RGL1: variants seen among roughly 807,000 people sequenced by gnomAD.
RGL1 encodes the protein ral guanine nucleotide dissociation stimulator-like 1.
RGL1 carries 24 observed loss-of-function variants against 95.2 expected under a neutral mutation model. The ratio of observed to expected loss-of-function variants is 0.25; its 90% CI spans 0.18 to 0.35. The LOEUF (loss-of-function observed/expected upper bound fraction) is 0.35. Ranked by LOEUF, RGL1 falls within the 10% of genes least tolerant of loss-of-function variation. The pLI, the probability that RGL1 is intolerant of heterozygous loss-of-function variation, is 1.00. For missense variants in RGL1, 715 were observed against 936.3 expected, an observed-to-expected ratio of 0.76 and a Z score of 3.08; for synonymous variants, 329 against 344.9, an observed-to-expected ratio of 0.95 and a Z score of 0.51.
intron 2 of RGL1, among the ~76,000 whole-genome samples, chr1:183,747,262 A>C (rs1203088095): frequency 6.6e-6 from 1 of 152,184 alleles, no homozygotes; most frequent in Non-Finnish European, 1.5e-5. Flanking sequence ...ACTAATTTAC[A>C]CTTCCACCAA....
intron 4 of RGL1, among the ~76,000 whole-genome samples, chr1:183,877,396 T>C (rs1378889157): frequency 6.6e-6 from 1 of 152,240 alleles, no homozygotes; most frequent in Non-Finnish European, 1.5e-5. Flanking sequence ...TATTTTGCGA[T>C]GTTGCTTTCT....
intron 2 of RGL1, among the ~76,000 whole-genome samples, chr1:183,748,821 C>CT (rs1193542914): frequency 6.6e-6 from 1 of 152,140 alleles, no homozygotes; most frequent in Non-Finnish European, 1.5e-5. Flanking sequence ...TACATTGTAT[C>CT]TTTGTTCTCA....
In RGL1 at chr1:183,643,240, C is replaced by G. The variant is rs184728834; in HGVS notation, c.-33+6739C>G. ...TACTGCTATAAACATGGGTGTAGAA[C>G]TATCTCTTTGAGGTCCTGTTTTTTT... is the stretch of plus-strand genomic sequence containing the variant. On this transcript the variant is annotated intron_variant, in intron 1 of 18. Coordinates refer to the RGL1 transcript ENST00000304685. 9.9e-5 allele frequency among the ~76,000 whole-genome samples: 15 copies of G among 151,714 alleles called. No homozygotes were observed. The East Asian group carries it at 2.3e-3, about 23-fold the overall frequency.
At chr1:183,855,791 G>A (rs1460850390) in intron 3 of RGL1, among the ~76,000 whole-genome samples, 1 of 152,158 alleles carries the variant, frequency 6.6e-6, no homozygotes, top group Non-Finnish European at 1.5e-5. Flanking sequence ...ATTAAATCTT[G>A]TTACTATGAA....
intron 1 of RGL1, chr1:183,646,516 C>T (rs1295855702): frequency 6.6e-6 from 1 of 152,066 alleles, no homozygotes; most frequent in Non-Finnish European, 1.5e-5. Context: ...AGGCAAGTGG[C>T]AGCAAATGTG....
intron 15 of RGL1, among the ~76,000 whole-genome samples, chr1:183,915,441 G>T (rs1668901571): frequency 6.6e-6 from 1 of 152,148 alleles, no homozygotes; most frequent in Non-Finnish European, 1.5e-5. Context: ...GGTATTGCAT[G>T]GATGAGAAAT....
At chr1:183,869,396 A>G (rs1043259139) in intron 4 of RGL1, among the ~76,000 whole-genome samples, 1 of 152,256 alleles carries the variant, frequency 6.6e-6, no homozygotes, top group African/African-American at 2.4e-5. Context: ...TGAGGGGTCC[A>G]TCCTCTGGGG....
chr1:183,661,578 C>A (rs926299798), intron 1 of RGL1, among the ~76,000 whole-genome samples: 2 of 151,702 alleles, frequency 1.3e-5, no homozygotes, highest in Non-Finnish European at 2.9e-5. Flanking sequence ...AGCTTACCAA[C>A]GAAAAAGAGT....
rs775490469 is a variant in RGL1 at position 183,904,852 on chromosome 1, A to G, written c.1353A>G (p.Glu451=). ...GLINFEKRRR[E]FEVIAQIKLL... is the part of the protein sequence containing the mutation. Reference sequence around the variant, plus strand: ...TTTTGGTATTCTGTCTGCTTTAGGAATTTGAAGTGATTGCCCAGATAAAGC... The same window carrying G: ...TTTTGGTATTCTGTCTGCTTTAGGAGTTTGAAGTGATTGCCCAGATAAAGC... The change falls in exon 13 of 18, where the codon GAA becomes GAG. Residue 451 remains glutamate (E), a splice_region_variant and synonymous_variant. Coordinates refer to ENST00000360851, the MANE Select transcript of RGL1 (RefSeq NM_001297671.3). The G allele has an allele frequency of 1.2e-6, 2 of 1,607,080 alleles. No homozygotes were observed. The highest frequency in any genetic ancestry group is 8.5e-7 in the Non-Finnish European group (1 of 1,177,832).
intron 2 of RGL1, among the ~76,000 whole-genome samples, chr1:183,828,459 G>A (rs1445517626): frequency 6.6e-6 from 1 of 152,124 alleles, no homozygotes; most frequent in Non-Finnish European, 1.5e-5. Flanking sequence ...AGCACGTGGG[G>A]ATGTCTTCAG....
At chr1:183,714,123 T>C (rs1391869932) in intron 1 of RGL1, among the ~76,000 whole-genome samples, 1 of 152,256 alleles carries the variant, frequency 6.6e-6, no homozygotes, top group Non-Finnish European at 1.5e-5. Context: ...TTTCCAAAAA[T>C]ATTTTTTGAA....
At chr1:183,764,286 G>A (rs569688150) in intron 2 of RGL1, among the ~76,000 whole-genome samples, 1 of 152,218 alleles carries the variant, frequency 6.6e-6, no homozygotes, top group South Asian at 2.1e-4. Flanking sequence ...CTAAAATTAG[G>A]GGCTCATGTG....
upstream of RGL1, among the ~76,000 whole-genome samples, chr1:183,802,577 G>A (rs1172947707): frequency 8.8e-6 from 1 of 113,754 alleles, no homozygotes; most frequent in Non-Finnish European, 1.7e-5. Flanking sequence ...AACACGGGAT[G>A]TCTTTCTATT....
chr1:183,835,235 G>GT (rs201376066), intron 2 of RGL1, among the ~76,000 whole-genome samples: 2,034 of 126,370 alleles, frequency 0.016, 36 homozygotes, highest in African/African-American at 0.055. Context: ...TTCTTTAAAT[G>GT]TTTTTTTACA....
intron 2 of RGL1, among the ~76,000 whole-genome samples, chr1:183,779,860 G>T (rs1272376932): frequency 6.6e-6 from 1 of 151,998 alleles, no homozygotes; most frequent in Non-Finnish European, 1.5e-5. Flanking sequence ...GAAAACAGAA[G>T]GTATTTTATG....
Position 183,860,901 on chromosome 1 carries a change from GAATGAATGATGGAATA to G in RGL1, c.348-5085_348-5070del, listed in dbSNP as rs535545549. On this transcript the variant is annotated intron_variant, in intron 3 of 17. Coordinates refer to ENST00000360851, the MANE Select transcript of RGL1 (RefSeq NM_001297671.3). ...TTGAATGAGGACTAAATGAGTGAAA[GAATGAATGATGGAATA>G]AATGAATGAAAGGCTCACCATAGCT... is the stretch of plus-strand genomic sequence containing the variant. Among the ~76,000 whole-genome samples the G allele has an allele frequency of 2.8e-3, 419 of 152,268 alleles. 3 individuals carry two copies. The highest frequency in any genetic ancestry group is 4.0e-3 in the Admixed American group (61 of 15,294).
intron 3 of RGL1, among the ~76,000 whole-genome samples, chr1:183,856,788 T>C (rs1665181227): frequency 6.6e-6 from 1 of 151,852 alleles, no homozygotes; most frequent in African/African-American, 2.4e-5. Flanking sequence ...GGTGTGAAAA[T>C]CTTTGGGTAT....
At chr1:183,766,176 G>A (rs1658953618) in intron 2 of RGL1, among the ~76,000 whole-genome samples, 1 of 152,054 alleles carries the variant, frequency 6.6e-6, no homozygotes, top group Non-Finnish European at 1.5e-5. Flanking sequence ...GTAGGCCGAG[G>A]CGGGCGGATC....
chr1:183,802,600 C>CAAAAAAA (rs34038144), upstream of RGL1, among the ~76,000 whole-genome samples: 75 of 90,050 alleles, frequency 8.3e-4, no homozygotes, highest in East Asian at 0.02. Flanking sequence ...GGTGTATCAG[C>CAAAAAAA]AAAAAAAAAA....
Sources: allele counts gnomAD v4.1 joint callset (sites outside exome capture counted in the v4.1 genomes callset), GRCh38; gene constraint gnomAD v4.1.1; transcripts MANE v1.5; gene names NCBI Gene and HGNC (gene_info 2026-07-23, HGNC 2026-07-21).